The following NFATC1 variants were observed in gnomAD, a reference collection of about 807,000 sequenced individuals.
NFATC1 encodes the protein nuclear factor of activated T cells 1.
NFATC1 carries 22 observed loss-of-function variants against 76.0 expected under a neutral mutation model. The observed-to-expected ratio is 0.29, with a 90% CI of 0.21 to 0.41. The LOEUF (loss-of-function observed/expected upper bound fraction) is 0.41. Ranked by LOEUF, NFATC1 falls within the 10% of genes least tolerant of loss-of-function variation. The pLI is 1.00. For synonymous variants in NFATC1, 704 were observed against 613.1 expected, an observed-to-expected ratio of 1.15 and a Z score of -2.19; for missense variants, 1,357 against 1,337.7, an observed-to-expected ratio of 1.01 and a Z score of -0.23.
intron 6 of NFATC1, among the ~76,000 whole-genome samples, chr18:79,458,800 C>T (rs1425598216): frequency 6.6e-6 from 1 of 152,254 alleles, no homozygotes; most frequent in South Asian, 2.1e-4. Flanking sequence ...CTCTTGCCGG[C>T]GGGACGCGGC....
At chr18:79,508,798 C>T (rs562489905) in intron 9 of NFATC1, among the ~76,000 whole-genome samples, 1 of 151,640 alleles carries the variant, frequency 6.6e-6, no homozygotes, top group South Asian at 2.1e-4. Flanking sequence ...TCCATCTCTC[C>T]GTCCATCTCT....
intron 2 of NFATC1, among the ~76,000 whole-genome samples, chr18:79,418,301 C>T (rs1018190173): frequency 8.5e-5 from 13 of 152,192 alleles, no homozygotes; most frequent in Non-Finnish European, 1.5e-4. Flanking sequence ...ACTGTGGACG[C>T]AGCTGAGGCC....
intron 1 of NFATC1, among the ~76,000 whole-genome samples, chr18:79,397,197 A>T (rs745894076): frequency 3.1e-4 from 47 of 152,258 alleles, no homozygotes; most frequent in Non-Finnish European, 6.3e-4. Flanking sequence ...CTTTGAAAAT[A>T]CCCTTGCAGA....
intron 9 of NFATC1, among the ~76,000 whole-genome samples, chr18:79,487,694 A>G (rs988581561): frequency 2.0e-5 from 3 of 152,206 alleles, no homozygotes; most frequent in Non-Finnish European, 4.4e-5. Context: ...GACTGTTTAC[A>G]CTTTAAGGCG....
chr18:79,449,857 G>A (rs2087386092), intron 4 of NFATC1, among the ~76,000 whole-genome samples: 1 of 152,152 alleles, frequency 6.6e-6, no homozygotes, highest in Non-Finnish European at 1.5e-5. Context: ...TGGCGGCGGG[G>A]GGCCACGTTG....
At chr18:79,526,919 G>C (rs890147017) in intron 9 of NFATC1, among the ~76,000 whole-genome samples, 4 of 152,228 alleles carry the variant, frequency 2.6e-5, no homozygotes, top group Non-Finnish European at 5.9e-5. Context: ...GAGATGGGAC[G>C]TGGCGACAGT....
chr18:79,490,403 G>GGT (rs1391073069), intron 9 of NFATC1, among the ~76,000 whole-genome samples: 1 of 151,838 alleles, frequency 6.6e-6, no homozygotes, highest in African/African-American at 2.4e-5. Context: ...GGTGTTCCCT[G>GGT]GTGCAGGCCC....
At chr18:79,459,033 A>G (rs2087906076) in intron 6 of NFATC1, among the ~76,000 whole-genome samples, 1 of 152,192 alleles carries the variant, frequency 6.6e-6, no homozygotes, top group Non-Finnish European at 1.5e-5. Context: ...CCACGGGGAG[A>G]GGCCCCACCT....
chr18:79,466,690 C>T (rs527736172), intron 7 of NFATC1, among the ~76,000 whole-genome samples: 1 of 152,248 alleles, frequency 6.6e-6, no homozygotes, highest in Non-Finnish European at 1.5e-5. Flanking sequence ...TGTTCCCACC[C>T]CGGGGTCTGC....
chr18:79,515,985 C>G (rs992593919), intron 9 of NFATC1: 1 of 150,862 alleles, frequency 6.6e-6, no homozygotes, highest in African/African-American at 2.4e-5. Flanking sequence ...TCCGTGGAAA[C>G]ACGCGCCCGC....
At chr18:79,423,554 A>G (rs1015254897) in intron 2 of NFATC1, among the ~76,000 whole-genome samples, 10 of 152,146 alleles carry the variant, frequency 6.6e-5, no homozygotes, top group African/African-American at 2.4e-4. Context: ...TGGGTAGGCC[A>G]TGGGCCGCTG....
intron 9 of NFATC1, among the ~76,000 whole-genome samples, chr18:79,490,200 G>C (rs896415252): frequency 4.6e-5 from 7 of 152,206 alleles, no homozygotes; most frequent in Non-Finnish European, 1.0e-4. Context: ...TGAAGGGGAG[G>C]GGAGAGTCCT....
At chr18:79,429,501 G>A (rs374356776) in intron 2 of NFATC1, among the ~76,000 whole-genome samples, 2 of 152,134 alleles carry the variant, frequency 1.3e-5, no homozygotes, top group Admixed American at 6.5e-5. Flanking sequence ...TTGCCGTTCC[G>A]GGGGATGGGC....
chr18:79,424,565 GTC>G (rs1361666451), intron 2 of NFATC1, among the ~76,000 whole-genome samples: 1 of 146,670 alleles, frequency 6.8e-6, no homozygotes, highest in African/African-American at 2.6e-5. Flanking sequence ...GTCTCTCTCT[GTC>G]TCTGTCTCTC....
At chr18:79,406,861 C>T (rs919356398) in intron 1 of NFATC1, among the ~76,000 whole-genome samples, 26 of 152,086 alleles carry the variant, frequency 1.7e-4, no homozygotes, top group Admixed American at 1.4e-3. Context: ...GCCACGGCTC[C>T]GCGGGTCTTC....
intron 9 of NFATC1, among the ~76,000 whole-genome samples, chr18:79,492,186 C>A (rs1005150892): frequency 1.3e-5 from 2 of 152,164 alleles, no homozygotes; most frequent in African/African-American, 4.8e-5. Flanking sequence ...GAGGGCAGTT[C>A]ACGCTGGAGC....
intron 1 of NFATC1, among the ~76,000 whole-genome samples, chr18:79,396,815 G>A (rs879762552): frequency 8.0e-6 from 1 of 124,850 alleles, no homozygotes; most frequent in Non-Finnish European, 1.7e-5. Context: ...CCCCCACCCC[G>A]AGCTCGTGGC....
Position 79,464,189 on chromosome 18 carries a change from A to G in NFATC1, c.1959+2823A>G, listed in dbSNP as rs189840420. Among the ~76,000 whole-genome samples the G allele has an allele frequency of 2.6e-3, 391 of 152,284 alleles. 1 individual carries two copies. Among genetic ancestry groups the G allele is most frequent in the African/African-American group, 8.8e-3 (367 of 41,562 alleles). ...ATTGCAGCCTCCGCCTCCCAGGTTC[A>G]AGCGATTCTCATGCCTCAGTCTCCC... On this transcript the variant is annotated intron_variant, in intron 7 of 9. Transcript: ENST00000427363.
chr18:79,489,884 C>T (rs190455332), intron 9 of NFATC1, among the ~76,000 whole-genome samples: 50 of 152,344 alleles, frequency 3.3e-4, no homozygotes, highest in Admixed American at 5.2e-4. Flanking sequence ...TAGCGTACGG[C>T]GCTAGGCGGT....
Sources: gnomAD v4.1 joint callset for allele counts (sites outside exome capture counted in the v4.1 genomes callset) on GRCh38, gnomAD v4.1.1 for gene constraint, MANE v1.5 for transcripts, NCBI Gene and HGNC (gene_info 2026-07-23, HGNC 2026-07-21) for gene names.